The following DGKB variants were observed in gnomAD, a reference collection of about 807,000 sequenced individuals.
The protein encoded by DGKB is 90 kDa diacylglycerol kinase.
In DGKB, 67 loss-of-function variants were observed where a neutral mutation model predicts 114.3. That is an observed-to-expected ratio of 0.59 (90% CI 0.48 to 0.72). The LOEUF (loss-of-function observed/expected upper bound fraction) is 0.72. DGKB is among the 30% of genes least tolerant of loss of function. The pLI, the probability that DGKB is intolerant of heterozygous loss-of-function variation, is 0.00. For missense variants in DGKB, 907 were observed against 975.2 expected (o/e 0.93, Z 0.93); for synonymous variants, 398 against 323.1 (o/e 1.23, Z -2.49).
chr7:14,403,773 G>T (rs1823506182), intron 21 of DGKB, among the ~76,000 whole-genome samples: 1 of 151,866 alleles, frequency 6.6e-6, no homozygotes. Context: ...AAAATCCTTT[G>T]ATGAGGACTG....
intron 8 of DGKB, among the ~76,000 whole-genome samples, chr7:14,697,002 T>G (rs1327254054): frequency 6.6e-6 from 1 of 152,224 alleles, no homozygotes; most frequent in Non-Finnish European, 1.5e-5. Flanking sequence ...AAATAAAATT[T>G]ATTTGCATTG....
rs1333451202 is a variant in DGKB, at chr7:14,698,036, AAAAG to A, written c.591+55_591+58del. 1.6e-4 allele frequency: 139 copies of A among 869,112 alleles called. No individual in the cohort carries two copies. The African/African-American group carries it at 1.9e-3, about 12-fold the overall frequency. The allele number at this position is 869,112 out of a possible 1,614,324, so 53.8% of individuals were successfully genotyped here. On this transcript the variant is annotated intron_variant, in intron 8 of 25. Coordinates refer to ENST00000402815, the MANE Select transcript of DGKB (RefSeq NM_001350709.2). Reference sequence around the variant, plus strand: ...AAGAAAGAGAAAGAAAGAAAGAAAGAAAAGAAAGAAAGAGGCCTTCCAGAATTTA... The same window carrying A: ...AAGAAAGAGAAAGAAAGAAAGAAAGAAAAGAAAGAGGCCTTCCAGAATTTA...
chr7:14,909,483 C>T (rs1284117809), intron 1 of DGKB, among the ~76,000 whole-genome samples: 1 of 151,856 alleles, frequency 6.6e-6, no homozygotes, highest in Non-Finnish European at 1.5e-5. Context: ...TTAAGAAGCA[C>T]TTTAATAATT....
At chr7:14,753,338 G>A (rs953191417) in intron 4 of DGKB, among the ~76,000 whole-genome samples, 2 of 152,138 alleles carry the variant, frequency 1.3e-5, no homozygotes, top group Non-Finnish European at 2.9e-5. Flanking sequence ...CTGAAAATGT[G>A]TTGTAATTCT....
rs1188447840 is a variant in DGKB, at chr7:14,630,238, C to G, written c.1165G>C (p.Glu389Gln). The change falls in exon 14 of 26, where the codon GAG (glutamate) becomes CAG (glutamine). Residue 389 changes from glutamate (E) to glutamine (Q), a missense_variant and splice_region_variant. Glu to Gln is a conservative substitution (Grantham distance 29, BLOSUM62 2). Around this residue, in one of 3 missense-constraint regions of DGKB, gnomAD observed 814 missense variants for 856.6 expected, o/e 0.95. Coordinates refer to ENST00000402815, the MANE Select transcript of DGKB (RefSeq NM_001350709.2). ...AAAACCTGTTTTTGCTTACGCACCT[C>G]AGGAACTGAAACTCCTGAAGTGGGC... ...TLPTSGVSVP[E>Q]ERQSTVKKEK... is the part of the protein sequence containing the mutation. The G allele has an allele frequency of 6.4e-7, 1 of 1,555,048 alleles. No individual in the cohort carries two copies. The highest frequency in any genetic ancestry group is 8.7e-7 in the Non-Finnish European group (1 of 1,149,460).
intron 21 of DGKB, among the ~76,000 whole-genome samples, chr7:14,372,444 A>G (rs1240062867): frequency 6.6e-6 from 1 of 152,154 alleles, no homozygotes; most frequent in Middle Eastern, 3.2e-3. Flanking sequence ...TGGTGGGTTT[A>G]TGGTGAACTT....
chr7:14,276,579 A>C (rs974650664), intron 23 of DGKB, among the ~76,000 whole-genome samples: 1 of 152,106 alleles, frequency 6.6e-6, no homozygotes, highest in Non-Finnish European at 1.5e-5. Context: ...CATGTTAGAA[A>C]AATTACTGGA....
At chr7:14,482,732 G>T (rs377623050) in intron 20 of DGKB, among the ~76,000 whole-genome samples, 2 of 152,164 alleles carry the variant, frequency 1.3e-5, no homozygotes, top group African/African-American at 4.8e-5. Context: ...TTGCTCTCCT[G>T]ATAGTGTTTA....
intron 17 of DGKB, among the ~76,000 whole-genome samples, chr7:14,604,818 T>A (rs1408908356): frequency 6.6e-5 from 10 of 152,050 alleles, no homozygotes. Flanking sequence ...AGAGTCCCCG[T>A]TCTGAGCAAC....
intron 23 of DGKB, among the ~76,000 whole-genome samples, chr7:14,327,935 C>A (rs1809037932): frequency 6.6e-6 from 1 of 152,078 alleles, no homozygotes; most frequent in Non-Finnish European, 1.5e-5. Flanking sequence ...TAGCTTATTT[C>A]ATGGCAAAAA....
At chr7:14,627,511 G>A (rs1189618226) in intron 14 of DGKB, among the ~76,000 whole-genome samples, 1 of 152,030 alleles carries the variant, frequency 6.6e-6, no homozygotes, top group African/African-American at 2.4e-5. Context: ...GAGGGTCTAT[G>A]CCAAAATAAT....
chr7:14,817,554 GA>G (rs1562614885), intron 2 of DGKB, among the ~76,000 whole-genome samples: 1 of 152,086 alleles, frequency 6.6e-6, no homozygotes. Context: ...ATTGGGTTTT[GA>G]TTTGTAAGGT....
Position 14,796,397 on chromosome 7 carries a change from T to C in DGKB, c.71-38666A>G, listed in dbSNP as rs573366950. Among the ~76,000 whole-genome samples, 15 of 152,288 alleles carry C rather than the reference T, an allele frequency of 9.8e-5. No individual in the cohort carries two copies. In the East Asian group the frequency reaches 1.5e-3, roughly 16 times the overall value. On this transcript the variant is annotated intron_variant, in intron 2 of 25. Coordinates refer to ENST00000402815, the MANE Select transcript of DGKB (RefSeq NM_001350709.2). ...AAAGTTGAACACACTTTCCACTTGA[T>C]TGGTGCCAAAACTGTTGTGCCCAGA...
intron 1 of DGKB, among the ~76,000 whole-genome samples, chr7:14,878,829 A>G (rs1853765003): frequency 6.6e-6 from 1 of 151,946 alleles, no homozygotes. Context: ...TTATTAAAAC[A>G]TCTCACAAAC....
Position 14,961,242 on chromosome 7 carries a change from TTTTA to T in DGKB, c.-188+13450_-188+13453del, listed in dbSNP as rs561860878. Among the ~76,000 whole-genome samples the T allele has an allele frequency of 5.7e-4, 87 of 152,276 alleles. No individual in the cohort carries two copies. The South Asian group carries it at 6.6e-3, about 12-fold the overall frequency. ...AAGACTTGTGTGCATGAAGCTTAGC[TTTTA>T]TTTTTTTCCACATAATAAAGTTTTT... On this transcript the variant is annotated intron_variant, in intron 1 of 4. Coordinates refer to the DGKB transcript ENST00000437998.
chr7:14,351,304 C>T (rs931631514), intron 21 of DGKB, among the ~76,000 whole-genome samples: 1 of 152,206 alleles, frequency 6.6e-6, no homozygotes, highest in African/African-American at 2.4e-5. Context: ...TGGAAGGGCC[C>T]TGGTGGGACC....
intron 5 of DGKB, among the ~76,000 whole-genome samples, chr7:14,729,167 G>T (rs750966787): frequency 3.7e-5 from 5 of 133,972 alleles, no homozygotes; most frequent in South Asian, 2.3e-4. Context: ...CTGTTGCCCA[G>T]GCTGGAGTGC....
At chr7:14,953,268 CA>C (rs528397236) in intron 1 of DGKB, among the ~76,000 whole-genome samples, 196 of 152,052 alleles carry the variant, frequency 1.3e-3, no homozygotes, top group African/African-American at 4.1e-3. Flanking sequence ...AACTGAAGCA[CA>C]AACTACTGAA....
intron 20 of DGKB, among the ~76,000 whole-genome samples, chr7:14,524,417 C>G (rs77398352): frequency 3.5e-4 from 54 of 152,264 alleles, no homozygotes; most frequent in African/African-American, 1.3e-3. Context: ...TCAAACCCTG[C>G]TTACACCTTG....
Sources: gnomAD v4.1 joint callset for allele counts (sites outside exome capture counted in the v4.1 genomes callset) on GRCh38, gnomAD v4.1.1 for gene constraint, gnomAD v4.1.1 regional missense constraint, MANE v1.5 for transcripts, NCBI Gene and HGNC (gene_info 2026-07-23, HGNC 2026-07-21) for gene names.